Variants in TBX10 observed in about 807,000 individuals in gnomAD.
TBX10 encodes the protein T-box transcription factor 10.
A neutral mutation model predicts 32.4 loss-of-function variants in TBX10; 26 were observed. The observed-to-expected ratio is 0.80, with a 90% confidence interval of 0.59 to 1.11. TBX10 has a LOEUF of 1.11. Among genes scored for constraint, TBX10 ranks in the 50% most tolerant of loss-of-function variants. The pLI, the probability that TBX10 is intolerant of heterozygous loss-of-function variation, is 0.00. For synonymous variants in TBX10, 195 were observed against 203.1 expected (o/e 0.96, Z 0.34); for missense variants, 490 against 494.5 (o/e 0.99, Z 0.09).
At chr11:67,633,462 G>A (rs1427054465) in intron 4 of TBX10, among the ~76,000 whole-genome samples, 14 of 151,934 alleles carry the variant, frequency 9.2e-5, no homozygotes, top group Admixed American at 9.2e-4. Context: ...CACATCATAT[G>A]CCCCCTGCTC....
intron 3 of TBX10, 84 bp downstream of exon 3, chr11:67,634,732 G>A (rs1855297821): frequency 7.0e-7 from 1 of 1,425,742 alleles, no homozygotes; most frequent in South Asian, 1.2e-5. Flanking sequence ...ACAGGCCCCT[G>A]CCTCACCTTG....
Position 67,639,348 on chromosome 11 carries a change from C to A in TBX10, c.7+118G>T. The A allele has an allele frequency of 4.1e-6, 6 of 1,465,816 alleles. No homozygotes were observed. The East Asian group carries it at 1.4e-4, about 35-fold the overall frequency. The allele number at this position is 1,465,816 out of a possible 1,614,324, so 90.8% of individuals were successfully genotyped here. A position where few individuals can be genotyped will look rare whatever the true frequency, so the allele number is the denominator to read the frequency against. The stretch of plus-strand genomic sequence containing the variant: ...AGACCTTAGCCTGGGGTGCCCCTGC[C>A]CCACCCTCTTGTGAAGGACCTGGGT... On this transcript the variant is annotated intron_variant, in intron 1 of 7. Coordinates refer to ENST00000335385, the MANE Select transcript of TBX10 (RefSeq NM_005995.5).
chr11:67,631,941 T>C, intron 7 of TBX10, 47 bp from the exon 8 acceptor site: 1 of 1,552,012 alleles, frequency 6.4e-7, no homozygotes, highest in Non-Finnish European at 8.7e-7. Flanking sequence ...CGCATCCTCA[T>C]CCCTCATCCC....
At chr11:67,639,393 T>TGCCCCCCCCCCCCCCC in intron 1 of TBX10, 73 bp downstream of exon 1, 18 of 726,892 alleles carry the variant, frequency 2.5e-5, no homozygotes, top group East Asian at 5.5e-5. Context: ...CTGTCTTGGT[T>TGCCCCCCCCCCCCCCC]CCCACCCTGC....
chr11:67,637,133 C>T (rs2134101642), intron 1 of TBX10, among the ~76,000 whole-genome samples: 1 of 152,210 alleles, frequency 6.6e-6, no homozygotes, highest in East Asian at 1.9e-4. Context: ...GTGGTGAGGC[C>T]AAATCATAGA....
rs1373228241 is a variant in TBX10, at chr11:67,631,645, G to A, written c.1118C>T (p.Pro373Leu). Reference sequence around the variant, plus strand: ...GCCAGGCCCCAGGCACACCACAGTGGGGGACAGGAGCCCCAGCCCAGCTGG... The same window carrying A: ...GCCAGGCCCCAGGCACACCACAGTGAGGGACAGGAGCCCCAGCCCAGCTGG... ...PLPAGLGLLS[P>L]TVVCLGPGQD... The change falls in exon 8 of 8, where the codon CCC (proline) becomes CTC (leucine). Residue 373 changes from proline to leucine, a missense_variant. Around this residue, in one of 3 missense-constraint regions of TBX10, gnomAD observed 177 missense variants for 176.6 expected, o/e 1.00. Coordinates refer to ENST00000335385, the MANE Select transcript of TBX10 (RefSeq NM_005995.5). 3.7e-6 allele frequency: 6 copies of A among 1,604,698 alleles called. No individual in the cohort carries two copies. The highest frequency in any genetic ancestry group is 1.3e-5 in the African/African-American group (1 of 74,946).
chr11:67,632,587 C>G lies in TBX10; in HGVS notation c.773+16G>C, dbSNP rs1855254232. On this transcript the variant is annotated intron_variant, in intron 6 of 7. Transcript: ENST00000335385. The stretch of plus-strand genomic sequence containing the variant: ...TGGGGTGGGGGTGAGGGGCTAGGGT[C>G]AGGGTCAGACAGTACCAGGAGTCCA... 1.9e-6 allele frequency: 3 copies of G among 1,613,858 alleles called. No individual in the cohort carries two copies. The East Asian group carries it at 6.7e-5, about 36-fold the overall frequency.
chr11:67,640,524 G>A (rs1243638475), upstream of TBX10, among the ~76,000 whole-genome samples: 2 of 152,272 alleles, frequency 1.3e-5, no homozygotes, highest in Non-Finnish European at 2.9e-5. Flanking sequence ...TGGCCTGACC[G>A]GGCACCCTCT....
intron 1 of TBX10, among the ~76,000 whole-genome samples, chr11:67,636,544 G>A (rs1231250498): frequency 2.0e-5 from 3 of 151,292 alleles, no homozygotes; most frequent in Non-Finnish European, 4.4e-5. Flanking sequence ...GTCTTGCTCT[G>A]TCACCCAGGC....
chr11:67,641,080 A>G (rs1372140043), upstream of TBX10, among the ~76,000 whole-genome samples: 2 of 151,894 alleles, frequency 1.3e-5, no homozygotes, highest in African/African-American at 4.8e-5. Context: ...GAGGCTATAC[A>G]ACAAGGTGTA....
At chr11:67,632,796 AG>A in intron 5 of TBX10, 126 bp from the exon 6 acceptor site, 3 of 1,540,922 alleles carry the variant, frequency 1.9e-6, no homozygotes, top group Non-Finnish European at 2.7e-6. Flanking sequence ...CTGAGCTGAT[AG>A]GAGTGCGGGC....
At chr11:67,637,441 A>G (rs1191847921) in intron 1 of TBX10, among the ~76,000 whole-genome samples, 1 of 152,220 alleles carries the variant, frequency 6.6e-6, no homozygotes, top group Non-Finnish European at 1.5e-5. Context: ...AGGGTCATTT[A>G]TAACCTGACG....
At position 67,639,748 on chromosome 11, in the gene TBX10, A is replaced by G. The variant is rs1855379913; in HGVS notation, c.-276T>C. Among the ~76,000 whole-genome samples the G allele has an allele frequency of 6.6e-6, 1 of 151,938 alleles. No individual in the cohort carries two copies. Among genetic ancestry groups the G allele is most frequent in the Non-Finnish European group, 1.5e-5 (1 of 67,960 alleles). ...GCGTGCAGCGGCCCTTCTCCAAGCC[A>G]CTCTCGGGCTGTGCTGTCCAAGGCT... On this transcript the variant is annotated 5_prime_UTR_variant, in exon 1 of 8. Coordinates refer to ENST00000335385, the MANE Select transcript of TBX10 (RefSeq NM_005995.5).
chr11:67,634,707 C>T, intron 3 of TBX10, 109 bp downstream of exon 3: 2 of 1,253,942 alleles, frequency 1.6e-6, no homozygotes, highest in Non-Finnish European at 2.3e-6. Context: ...GCTGGACCTC[C>T]CTGGCATTGT....
At chr11:67,640,736 T>A (rs1166716228), upstream of TBX10, among the ~76,000 whole-genome samples, 1 of 152,086 alleles carries the variant, frequency 6.6e-6, no homozygotes, top group African/African-American at 2.4e-5. Context: ...GTCTTGGGGA[T>A]GCTGGGTTGG....
Position 67,635,026 on chromosome 11 carries a change from C to G in TBX10, c.245G>C (p.Gly82Ala). ...KPLWEEFNQLGTEMIVTKAGR... is the reference protein window; with the variant it reads ...KPLWEEFNQLATEMIVTKAGR... ...TGCCTTGGTGACGATCATCTCAGTGCCCAGCTGGTTGAATTCCTCCCACAG... is the reference window on the plus strand; with the variant it reads ...TGCCTTGGTGACGATCATCTCAGTGGCCAGCTGGTTGAATTCCTCCCACAG... The change falls in exon 2 of 8, where the codon GGC becomes GCC. Residue 82 changes from glycine (G) to alanine (A), a missense_variant. Coordinates refer to ENST00000335385, the MANE Select transcript of TBX10 (RefSeq NM_005995.5). 1 of 1,613,734 alleles carries G rather than the reference C, an allele frequency of 6.2e-7. No homozygotes were observed. The highest frequency in any genetic ancestry group is 8.5e-7 in the Non-Finnish European group (1 of 1,180,034).
rs767313064 is a variant in TBX10 at position 67,635,130 on chromosome 11, T to A, written c.141A>T (p.Gln47His). Residue 47 changes from glutamine (Q) to histidine (H), a missense_variant, in exon 2 of 8, where the codon CAA (glutamine) becomes CAT (histidine). Physicochemically the swap from Gln to His is conservative, Grantham distance 24 (BLOSUM62 0). Around this residue, in one of 3 missense-constraint regions of TBX10, gnomAD observed 307 missense variants for 294.9 expected, o/e 1.04. Coordinates refer to ENST00000335385, the MANE Select transcript of TBX10 (RefSeq NM_005995.5). Reference protein sequence around the residue: ...SGPCTSSTGAQAVAEPTGQGP... With the variant: ...SGPCTSSTGAHAVAEPTGQGP... ...CCTGCCCAGTGGGCTCGGCCACAGC[T>A]TGGGCCCCAGTAGAGCTGGTGCAAG... 1.2e-6 allele frequency: 2 copies of A among 1,613,662 alleles called. No homozygotes were observed. The highest frequency in any genetic ancestry group is 4.5e-5 in the East Asian group (2 of 44,894).
intron 4 of TBX10, among the ~76,000 whole-genome samples, chr11:67,633,501 C>T (rs969442558): frequency 7.9e-5 from 12 of 152,204 alleles, no homozygotes; most frequent in East Asian, 3.8e-4. Context: ...CCACCCCACA[C>T]GGTAAAAGCC....
chr11:67,638,277 T>C (rs1855357865), intron 1 of TBX10, among the ~76,000 whole-genome samples: 1 of 149,366 alleles, frequency 6.7e-6, no homozygotes, highest in South Asian at 2.1e-4. Context: ...AATTGTGTTA[T>C]GTATATTTTA....
Sources: allele counts gnomAD v4.1 joint callset (sites outside exome capture counted in the v4.1 genomes callset), GRCh38; gene constraint gnomAD v4.1.1; regional missense constraint gnomAD v4.1.1; transcripts MANE v1.5; gene names NCBI Gene and HGNC (gene_info 2026-07-23, HGNC 2026-07-21).